The following TTC17 variants were observed in gnomAD, a reference collection of about 807,000 sequenced individuals.
TTC17 encodes tetratricopeptide repeat domain 17.
A neutral mutation model predicts 143.8 loss-of-function variants in TTC17; 58 were observed. The observed-to-expected ratio is 0.40, with a 90% CI of 0.33 to 0.50. TTC17 has a LOEUF of 0.50. TTC17 is among the 20% of genes least tolerant of loss of function. TTC17 has a pLI of 0.49. For missense variants in TTC17, 1,273 were observed against 1,392.5 expected, an observed-to-expected ratio of 0.91 and a Z score of 1.37; for synonymous variants, 501 against 497.8, an observed-to-expected ratio of 1.01 and a Z score of -0.09.
chr11:43,436,969 C>G (rs931959805), intron 16 of TTC17, among the ~76,000 whole-genome samples: 2 of 152,134 alleles, frequency 1.3e-5, no homozygotes, highest in African/African-American at 4.8e-5. Context: ...TTGGGTTATC[C>G]AGGATCCTAA....
intron 21 of TTC17, among the ~76,000 whole-genome samples, chr11:43,470,101 G>A (rs1406331292): frequency 6.6e-6 from 1 of 152,192 alleles, no homozygotes; most frequent in Non-Finnish European, 1.5e-5. Context: ...ATAAAAGGCA[G>A]ATGGGAACTG....
At chr11:43,440,832 T>C (rs1590425409) in intron 16 of TTC17, among the ~76,000 whole-genome samples, 1 of 152,202 alleles carries the variant, frequency 6.6e-6, no homozygotes, top group East Asian at 1.9e-4. Context: ...TTCCTCAGTA[T>C]CTTATTTGTT....
intron 21 of TTC17, among the ~76,000 whole-genome samples, chr11:43,453,476 A>AT (rs1947704320): frequency 6.6e-6 from 1 of 152,190 alleles, no homozygotes; most frequent in Non-Finnish European, 1.5e-5. Context: ...TACTTAAAGA[A>AT]TAAAAAAAGA....
chr11:43,372,199 A>G (rs1185507683), intron 1 of TTC17, among the ~76,000 whole-genome samples: 1 of 152,156 alleles, frequency 6.6e-6, no homozygotes, highest in Non-Finnish European at 1.5e-5. Context: ...AAAAGCTAGC[A>G]AAAACTGTAA....
intron 19 of TTC17, 67 bp downstream of exon 19, chr11:43,448,189 G>T: frequency 3.1e-6 from 5 of 1,590,888 alleles, no homozygotes; most frequent in Non-Finnish European, 4.3e-6. Context: ...TGACTTTAAG[G>T]ATCCCCTCTT....
intron 15 of TTC17, 80 bp downstream of exon 15, chr11:43,407,657 G>A: frequency 7.5e-7 from 1 of 1,326,344 alleles, no homozygotes; most frequent in Non-Finnish European, 1.0e-6. Flanking sequence ...ATTTTTCTAG[G>A]GAAAGCATAA....
intron 21 of TTC17, among the ~76,000 whole-genome samples, chr11:43,460,218 G>A (rs1053727019): frequency 6.6e-5 from 10 of 151,958 alleles, no homozygotes; most frequent in African/African-American, 2.4e-4. Context: ...AATTCTGCTT[G>A]AAACTGAGCA....
At position 43,398,107 on chromosome 11, in the gene TTC17, A is replaced by C; in HGVS notation, c.1052A>C (p.Gln351Pro). 1 of 1,614,050 alleles carries C rather than the reference A, an allele frequency of 6.2e-7. No individual in the cohort carries two copies. The highest frequency in any genetic ancestry group is 2.2e-5 in the East Asian group (1 of 44,866). Residue 351 changes from glutamine (Q) to proline (P), a missense_variant, in exon 8 of 24, where the codon CAG (glutamine) becomes CCG (proline). Physicochemically the swap from Gln to Pro is moderately conservative, Grantham distance 76. Coordinates refer to ENST00000039989, the MANE Select transcript of TTC17 (RefSeq NM_018259.6). ...QQKLEQKLEA[Q>P]HRSLQRTLNE... is the part of the protein sequence containing the mutation. ...AAACTGGAGCAGAAATTGGAGGCTC[A>C]GCATAGGTAATTGAGAGGAAAAATT...
chr11:43,451,620 A>T (rs184324721), intron 21 of TTC17, among the ~76,000 whole-genome samples: 37 of 152,310 alleles, frequency 2.4e-4, no homozygotes, highest in African/African-American at 8.9e-4. Flanking sequence ...ATTTTGGATG[A>T]TGGATGGGAA....
At chr11:43,474,949 T>C (rs1948157717) in intron 21 of TTC17, among the ~76,000 whole-genome samples, 1 of 152,138 alleles carries the variant, frequency 6.6e-6, no homozygotes, top group African/African-American at 2.4e-5. Context: ...TTAAGTAGGC[T>C]GAGGAGTAGG....
intron 8 of TTC17, among the ~76,000 whole-genome samples, chr11:43,398,360 A>G (rs17508783): frequency 0.17 from 26,041 of 152,186 alleles, 2,934 homozygotes; most frequent in Non-Finnish European, 0.24. Context: ...TGTCACTTAA[A>G]TGTTTACAAT....
intron 8 of TTC17, 139 bp downstream of exon 8, chr11:43,398,252 C>A: frequency 1.9e-6 from 2 of 1,080,000 alleles, no homozygotes; most frequent in Non-Finnish European, 1.3e-6. Flanking sequence ...TATCCTTTTT[C>A]TGTAAGTCCT....
chr11:43,474,001 CTA>C (rs1948139674), intron 21 of TTC17, among the ~76,000 whole-genome samples: 1 of 152,038 alleles, frequency 6.6e-6, no homozygotes, highest in Admixed American at 6.6e-5. Context: ...CTTTTAGTAA[CTA>C]TTCCCAAAAA....
Position 43,397,902 on chromosome 11 carries a change from G to A in TTC17, c.919-72G>A, listed in dbSNP as rs761211858. 1.6e-3 allele frequency: 64 copies of A among 40,668 alleles called. No individual in the cohort carries two copies. The Middle Eastern group carries it at 0.029, about 18-fold the overall frequency. 2.5% of individuals were successfully genotyped at this position (40,668 alleles called of 1,614,324 possible). A position where few individuals can be genotyped will look rare whatever the true frequency, so the allele number is the denominator to read the frequency against. On this transcript the variant is annotated intron_variant, in intron 7 of 23. Coordinates refer to ENST00000039989, the MANE Select transcript of TTC17 (RefSeq NM_018259.6). ...GGCCGTGGCTAACATTTTTTTTTCC[G>A]TGTGTGTGTGTGTGTGTGTGTGTGT...
intron 21 of TTC17, among the ~76,000 whole-genome samples, chr11:43,473,174 A>G (rs1478390982): frequency 1.4e-5 from 2 of 143,156 alleles, no homozygotes; most frequent in Admixed American, 7.0e-5. Flanking sequence ...GACTCCATCT[A>G]AAAAAAAAAA....
intron 16 of TTC17, among the ~76,000 whole-genome samples, chr11:43,438,244 A>T (rs930287813): frequency 3.3e-5 from 5 of 152,060 alleles, no homozygotes; most frequent in African/African-American, 1.2e-4. Context: ...TGCAACCTCC[A>T]CTTCCCGTGT....
intron 2 of TTC17, among the ~76,000 whole-genome samples, chr11:43,387,876 C>T (rs1309536524): frequency 1.3e-5 from 2 of 152,114 alleles, no homozygotes; most frequent in Non-Finnish European, 1.5e-5. Flanking sequence ...AGTCTACTAC[C>T]ATAATAAATA....
At chr11:43,436,218 A>C (rs1349119381) in intron 16 of TTC17, 2 of 1,479,952 alleles carry the variant, frequency 1.4e-6, no homozygotes, top group South Asian at 2.7e-5. Flanking sequence ...AAATATTTTG[A>C]CAACTCACAG....
chr11:43,381,172 A>G (rs547987387), intron 2 of TTC17, among the ~76,000 whole-genome samples: 5 of 152,332 alleles, frequency 3.3e-5, no homozygotes, highest in African/African-American at 1.2e-4. Flanking sequence ...TTATACTTAT[A>G]CTAAATATAA....
Sources: gnomAD v4.1 joint callset for allele counts (sites outside exome capture counted in the v4.1 genomes callset) on GRCh38, gnomAD v4.1.1 for gene constraint, MANE v1.5 for transcripts, NCBI Gene and HGNC (gene_info 2026-07-23, HGNC 2026-07-21) for gene names.